The following HEMK2 variants were observed in gnomAD, a reference collection of about 807,000 sequenced individuals.
HEMK2 encodes the protein HemK methyltransferase 2, ETF1 glutamine and histone H4 lysine.
the HEMK2 span, among the ~76,000 whole-genome samples, chr21:28,740,565 G>A: frequency 6.6e-6 from 1 of 152,146 alleles, no homozygotes; most frequent in South Asian, 2.1e-4. Context: ...GAGAGAAAAG[G>A]TACCCTTCCT....
chr21:28,806,040 G>A, the HEMK2 span, among the ~76,000 whole-genome samples: 3 of 152,130 alleles, frequency 2.0e-5, no homozygotes. Flanking sequence ...ATGGCATAGT[G>A]TCTGTTTTCC....
the HEMK2 span, among the ~76,000 whole-genome samples, chr21:28,877,887 G>T: frequency 6.6e-6 from 1 of 152,148 alleles, no homozygotes; most frequent in Non-Finnish European, 1.5e-5. Flanking sequence ...CTAGAGGGTA[G>T]AGAGAAAATT....
At chr21:28,804,720 C>G in the HEMK2 span, among the ~76,000 whole-genome samples, 1 of 152,162 alleles carries the variant, frequency 6.6e-6, no homozygotes, top group African/African-American at 2.4e-5. Flanking sequence ...AAATCCTATC[C>G]AAAAGCTTCA....
At chr21:28,844,035 T>C in the HEMK2 span, among the ~76,000 whole-genome samples, 1 of 152,160 alleles carries the variant, frequency 6.6e-6, no homozygotes, top group Non-Finnish European at 1.5e-5. Context: ...ATTTAGGGAT[T>C]ATATAATACC....
chr21:28,596,006 G>A, the HEMK2 span, among the ~76,000 whole-genome samples: 1 of 149,902 alleles, frequency 6.7e-6, no homozygotes, highest in East Asian at 2.0e-4. Context: ...AGGTGGTCTC[G>A]ATCTCCTGAC....
the HEMK2 span, among the ~76,000 whole-genome samples, chr21:28,668,427 C>T: frequency 2.6e-5 from 4 of 152,108 alleles, no homozygotes; most frequent in African/African-American, 4.8e-5. Context: ...CTTATAACAT[C>T]GCTCAAAGGC....
chr21:28,813,131 G>T, the HEMK2 span, among the ~76,000 whole-genome samples: 86 of 152,292 alleles, frequency 5.6e-4, no homozygotes, highest in African/African-American at 1.9e-3. Flanking sequence ...GAAATAAAAT[G>T]TATTCAAATA....
At chr21:28,611,456 C>G in the HEMK2 span, among the ~76,000 whole-genome samples, 2 of 152,154 alleles carry the variant, frequency 1.3e-5, no homozygotes, top group Non-Finnish European at 2.9e-5. Context: ...CTATGGACAT[C>G]TTTACATGCA....
the HEMK2 span, among the ~76,000 whole-genome samples, chr21:28,660,612 A>T: frequency 1.3e-5 from 2 of 151,908 alleles, no homozygotes; most frequent in Non-Finnish European, 2.9e-5. Flanking sequence ...AACATAAAAA[A>T]ACTTAATTGT....
chr21:28,709,357 C>A, the HEMK2 span, among the ~76,000 whole-genome samples: 2 of 152,040 alleles, frequency 1.3e-5, no homozygotes, highest in Non-Finnish European at 2.9e-5. Context: ...TTGTGGAACC[C>A]AGGAGTGGCA....
At chr21:28,633,092 A>G in the HEMK2 span, among the ~76,000 whole-genome samples, 1 of 152,094 alleles carries the variant, frequency 6.6e-6, no homozygotes, top group Non-Finnish European at 1.5e-5. Flanking sequence ...ATTGTGATAC[A>G]CTCACCCACT....
chr21:28,796,330 G>C, the HEMK2 span, among the ~76,000 whole-genome samples: 1 of 152,044 alleles, frequency 6.6e-6, no homozygotes, highest in South Asian at 2.1e-4. Flanking sequence ...AGTAGAGACA[G>C]GGTTTCACCA....
the HEMK2 span, among the ~76,000 whole-genome samples, chr21:28,862,178 C>T: frequency 6.6e-6 from 1 of 152,262 alleles, no homozygotes; most frequent in Non-Finnish European, 1.5e-5. Flanking sequence ...CTTAGTATTA[C>T]CATGCCCTGT....
chr21:28,591,921 T>G, the HEMK2 span, among the ~76,000 whole-genome samples: 1 of 152,224 alleles, frequency 6.6e-6, no homozygotes, highest in African/African-American at 2.4e-5. Flanking sequence ...ATGGTGTGTA[T>G]GTATCACATT....
At chr21:28,743,043 T>G in the HEMK2 span, among the ~76,000 whole-genome samples, 1 of 152,164 alleles carries the variant, frequency 6.6e-6, no homozygotes, top group African/African-American at 2.4e-5. Context: ...TTCAAAAATG[T>G]TGGGATTTAG....
chr21:28,850,256 T>G, the HEMK2 span, among the ~76,000 whole-genome samples: 8 of 138,988 alleles, frequency 5.8e-5, no homozygotes, highest in South Asian at 9.4e-4. Context: ...ACGGAGTCTC[T>G]CTCTGTCGCC....
chr21:28,835,200 G>T, the HEMK2 span, among the ~76,000 whole-genome samples: 8 of 152,136 alleles, frequency 5.3e-5, no homozygotes, highest in African/African-American at 1.2e-4. Flanking sequence ...CACAAAAACA[G>T]CATTGAACCA....
chr21:28,753,328 G>A, the HEMK2 span, among the ~76,000 whole-genome samples: 1 of 146,712 alleles, frequency 6.8e-6, no homozygotes, highest in African/African-American at 2.5e-5. Flanking sequence ...CTGCACTCCA[G>A]CCTGGGCAAC....
the HEMK2 span, among the ~76,000 whole-genome samples, chr21:28,804,865 C>T: frequency 6.6e-6 from 1 of 152,288 alleles, no homozygotes; most frequent in East Asian, 1.9e-4. Flanking sequence ...ACACTACATA[C>T]CCTATTCTAG....
Sources: gnomAD v4.1 joint callset for allele counts (sites outside exome capture counted in the v4.1 genomes callset) on GRCh38, gnomAD v4.1.1 for gene constraint, MANE v1.5 for transcripts, NCBI Gene and HGNC (gene_info 2026-07-23, HGNC 2026-07-21) for gene names.